The following SYCP2L variants were observed in gnomAD, a reference collection of about 807,000 sequenced individuals.
SYCP2L encodes the protein synaptonemal complex protein 2 like, also known as synaptonemal complex protein 2-like.
In SYCP2L, 98 loss-of-function variants were observed where a neutral mutation model predicts 125.8. That is an observed-to-expected ratio of 0.78 (90% CI 0.66 to 0.92). The LOEUF (loss-of-function observed/expected upper bound fraction) is 0.92. Ranked by LOEUF, SYCP2L falls within the 40% of genes least tolerant of loss-of-function variation. The probability of loss-of-function intolerance (pLI) is 0.00; values close to 1 mark genes in which losing one functional copy is unlikely to be tolerated. For synonymous variants in SYCP2L, 317 were observed against 325.4 expected, an observed-to-expected ratio of 0.97 and a Z score of 0.28; for missense variants, 842 against 936.4, an observed-to-expected ratio of 0.90 and a Z score of 1.32.
intron 5 of SYCP2L, 34 bp downstream of exon 5, chr6:10,898,149 G>C: frequency 2.8e-6 from 4 of 1,435,172 alleles, no homozygotes; most frequent in Non-Finnish European, 3.9e-6. Flanking sequence ...CTGAGCAGAT[G>C]CCATTGGTAA....
chr6:10,947,001 A>G (rs906694582), intron 23 of SYCP2L, among the ~76,000 whole-genome samples: 1 of 151,650 alleles, frequency 6.6e-6, no homozygotes, highest in Non-Finnish European at 1.5e-5. Flanking sequence ...ACCCACTCCT[A>G]CGTATTTTCT....
chr6:10,901,352 AT>A lies in SYCP2L; in HGVS notation c.467-1323del, dbSNP rs1780374195. Among the ~76,000 whole-genome samples, 4 of 152,192 alleles carry A rather than the reference AT, an allele frequency of 2.6e-5. No individual in the cohort carries two copies. The South Asian group carries it at 8.3e-4, about 32-fold the overall frequency. ...GATGTCTTTCTGGCTTTTATACAAT[AT>A]TACTCTCACTTTGCAGTCTTTGCCC... On this transcript the variant is annotated intron_variant, in intron 6 of 29. Coordinates refer to ENST00000283141, the MANE Select transcript of SYCP2L (RefSeq NM_001040274.3).
intron 28 of SYCP2L, 146 bp from the exon 29 acceptor site, chr6:10,963,636 G>C (rs77677046): frequency 1.4e-6 from 1 of 719,720 alleles, no homozygotes; most frequent in Non-Finnish European, 2.3e-6. Context: ...AATCTCTTAC[G>C]TTAATATCCT....
At chr6:10,956,693 G>A (rs1381090981) in intron 25 of SYCP2L, among the ~76,000 whole-genome samples, 4 of 152,076 alleles carry the variant, frequency 2.6e-5, no homozygotes, top group Non-Finnish European at 5.9e-5. Flanking sequence ...AAACACCTGG[G>A]CTCAAGTGAT....
At chr6:10,944,426 G>GTTAT (rs1781274988) in intron 23 of SYCP2L, among the ~76,000 whole-genome samples, 1 of 152,076 alleles carries the variant, frequency 6.6e-6, no homozygotes, top group African/African-American at 2.4e-5. Flanking sequence ...TTGATTATGT[G>GTTAT]GCTTGTAAAT....
intron 16 of SYCP2L, 114 bp from the exon 17 acceptor site, chr6:10,927,126 C>A: frequency 6.8e-7 from 1 of 1,478,388 alleles, no homozygotes; most frequent in Non-Finnish European, 9.0e-7. Flanking sequence ...GACCTAATTA[C>A]CAGGTCTTAC....
intron 23 of SYCP2L, among the ~76,000 whole-genome samples, chr6:10,951,648 A>G (rs376356898): frequency 6.6e-6 from 1 of 152,226 alleles, no homozygotes. Context: ...CTTAATAAAC[A>G]TCGGTAAACA....
In SYCP2L at chr6:10,912,493, G is replaced by A. The variant is rs1780627443; in HGVS notation, c.919-180G>A. ...GGAGGGGTGAGGAGGAAATGGCTGA[G>A]TTCTATAAAATTGAGATCCTTCTGT... is the stretch of plus-strand genomic sequence containing the variant. On this transcript the variant is annotated intron_variant, in intron 12 of 29. Transcript: ENST00000283141. The surrounding 1 kb of genome is among the most constrained non-coding windows in gnomAD (Gnocchi z 4.1). 6.6e-6 allele frequency among the ~76,000 whole-genome samples: 1 copy of A among 152,188 alleles called. No homozygotes were observed. The highest frequency in any genetic ancestry group is 6.5e-5 in the Admixed American group (1 of 15,272).
At chr6:10,953,662 G>A (rs1411006807) in intron 23 of SYCP2L, among the ~76,000 whole-genome samples, 2 of 152,212 alleles carry the variant, frequency 1.3e-5, no homozygotes, top group African/African-American at 4.8e-5. Context: ...TTTATTGAGT[G>A]TCTACTATGT....
In SYCP2L at chr6:10,891,540, A is replaced by G; in HGVS notation, c.37A>G (p.Lys13Glu). The change falls in exon 2 of 30, where the codon AAG becomes GAG. Residue 13 changes from lysine to glutamate, a missense_variant. Lys to Glu is a moderately conservative substitution (Grantham distance 56). Transcript: ENST00000283141. ...AKNKDALQPIKEDRTGKAQDD... is the reference protein window; with the variant it reads ...AKNKDALQPIEEDRTGKAQDD... The stretch of plus-strand genomic sequence containing the variant: ...AAACAAAGATGCTTTGCAGCCTATT[A>G]AGGAAGACAGGACTGGGAAGGCCCA... 1 of 1,603,694 alleles carries G rather than the reference A, an allele frequency of 6.2e-7. No individual in the cohort carries two copies. The highest frequency in any genetic ancestry group is 8.5e-7 in the Non-Finnish European group (1 of 1,174,630).
intron 23 of SYCP2L, among the ~76,000 whole-genome samples, chr6:10,948,025 G>A (rs1010053314): frequency 1.3e-5 from 2 of 151,866 alleles, no homozygotes; most frequent in South Asian, 2.1e-4. Flanking sequence ...TTCTCCTTTG[G>A]TTTCTTTTTT....
Position 10,974,121 on chromosome 6 carries a change from T to G in SYCP2L, c.*207T>G, listed in dbSNP as rs986918178. Reference sequence around the variant, plus strand: ...TTGGTAGTTTGCAGTTGGGTTATTATCCATTTGTTCATAAAAATTAACCTT... The same window carrying G: ...TTGGTAGTTTGCAGTTGGGTTATTAGCCATTTGTTCATAAAAATTAACCTT... On this transcript the variant is annotated 3_prime_UTR_variant, in exon 30 of 30. Transcript: ENST00000283141. The G allele has an allele frequency of 3.3e-5, 5 of 152,224 alleles. No individual in the cohort carries two copies. The highest frequency in any genetic ancestry group is 1.2e-4 in the African/African-American group (5 of 41,458). 9.4% of individuals were successfully genotyped at this position (152,224 alleles called of 1,614,324 possible).
intron 14 of SYCP2L, among the ~76,000 whole-genome samples, chr6:10,914,960 G>A (rs1340144300): frequency 6.6e-6 from 1 of 152,192 alleles, no homozygotes. Context: ...TAGCCAGGCC[G>A]ATCATGAACT....
chr6:10,928,876 T>C (rs1271678899), intron 18 of SYCP2L, among the ~76,000 whole-genome samples: 1 of 151,844 alleles, frequency 6.6e-6, no homozygotes, highest in Non-Finnish European at 1.5e-5. Flanking sequence ...CTCCTTGAGA[T>C]TGTTTTTGCC....
At chr6:10,903,812 T>C (rs1347506873) in intron 8 of SYCP2L, among the ~76,000 whole-genome samples, 1 of 149,930 alleles carries the variant, frequency 6.7e-6, no homozygotes, top group African/African-American at 2.5e-5. Flanking sequence ...TTTTCCTTTT[T>C]AATAATTATA....
chr6:10,955,963 T>C (rs7452495), intron 24 of SYCP2L, among the ~76,000 whole-genome samples, 173 bp from the exon 25 acceptor site: 33,199 of 152,134 alleles, frequency 0.22, 4,189 homozygotes, highest in East Asian at 0.44. Flanking sequence ...TGGGAAGATA[T>C]AGAAGAAATG....
At chr6:10,896,625 A>G (rs1378376319) in intron 4 of SYCP2L, among the ~76,000 whole-genome samples, 2 of 152,216 alleles carry the variant, frequency 1.3e-5, no homozygotes, top group Non-Finnish European at 2.9e-5. Flanking sequence ...CAGGTGGATG[A>G]TTCAATCTAG....
At chr6:10,956,765 T>C (rs142794291) in intron 25 of SYCP2L, among the ~76,000 whole-genome samples, 126 of 149,778 alleles carry the variant, frequency 8.4e-4, no homozygotes, top group African/African-American at 3.0e-3. Flanking sequence ...GCTTGGCCCG[T>C]GGTAATCATT....
chr6:10,911,995 G>A (rs1173223623), intron 12 of SYCP2L, among the ~76,000 whole-genome samples: 12 of 132,738 alleles, frequency 9.0e-5, no homozygotes, highest in South Asian at 5.1e-4. Context: ...TCCGCCTCCC[G>A]GGTTCATGCC....
Sources: allele counts gnomAD v4.1 joint callset (sites outside exome capture counted in the v4.1 genomes callset), GRCh38; gene constraint gnomAD v4.1.1; non-coding constraint Gnocchi (gnomAD v3.1); transcripts MANE v1.5; gene names NCBI Gene and HGNC (gene_info 2026-07-23, HGNC 2026-07-21).